The following ZNF618 variants were observed in gnomAD, a reference collection of about 807,000 sequenced individuals.
The protein encoded by ZNF618 is neural precursor cell expressed, developmentally down-regulated 10.
Under a neutral mutation model 103.0 loss-of-function variants are expected in ZNF618, and 34 were observed. That is an observed-to-expected ratio of 0.33 (90% confidence interval 0.25 to 0.44). The LOEUF (loss-of-function observed/expected upper bound fraction) is 0.44. Ranked by LOEUF, ZNF618 falls within the 20% of genes least tolerant of loss-of-function variation. ZNF618 has a pLI of 1.00. For missense variants in ZNF618, 1,059 were observed against 1,295.4 expected (o/e 0.82, Z 2.80); for synonymous variants, 551 against 542.2 (o/e 1.02, Z -0.23).
At chr9:114,032,381 T>C (rs1844157487) in intron 11 of ZNF618, among the ~76,000 whole-genome samples, 1 of 152,098 alleles carries the variant, frequency 6.6e-6, no homozygotes, top group African/African-American at 2.4e-5. Context: ...CCTGCTGGAT[T>C]TCATCTTTGT....
chr9:113,900,490 A>T lies in ZNF618; in HGVS notation c.33+24077A>T, dbSNP rs1830421914. On this transcript the variant is annotated intron_variant, in intron 1 of 14. Transcript: ENST00000374126. The stretch of plus-strand genomic sequence containing the variant: ...CTTACAGATGAGTAAACAGGCACAG[A>T]GAGGAAGGGGAAAAGTGACTTCTTT... 2.6e-5 allele frequency among the ~76,000 whole-genome samples: 4 copies of T among 152,346 alleles called. No individual in the cohort carries two copies. In the South Asian group the frequency reaches 8.3e-4, roughly 32 times the overall value.
intron 10 of ZNF618, among the ~76,000 whole-genome samples, chr9:114,027,058 G>T (rs1454071724): frequency 6.6e-6 from 1 of 152,104 alleles, no homozygotes; most frequent in Non-Finnish European, 1.5e-5. Context: ...ATTAGAAATG[G>T]ACTCTGGGTG....
At chr9:113,905,814 C>A (rs1400934875) in intron 1 of ZNF618, among the ~76,000 whole-genome samples, 1 of 152,124 alleles carries the variant, frequency 6.6e-6, no homozygotes, top group Non-Finnish European at 1.5e-5. Context: ...TTGCTCTTCC[C>A]AAAGTCTAAA....
chr9:113,883,455 C>G (rs544447863), intron 1 of ZNF618, among the ~76,000 whole-genome samples: 1 of 152,320 alleles, frequency 6.6e-6, no homozygotes, highest in African/African-American at 2.4e-5. Flanking sequence ...GCCTGGTCTT[C>G]TTAGCCAGGT....
intron 2 of ZNF618, among the ~76,000 whole-genome samples, chr9:113,977,040 C>T (rs1385096718): frequency 6.6e-6 from 1 of 152,146 alleles, no homozygotes; most frequent in Non-Finnish European, 1.5e-5. Context: ...CAGCGTGCGT[C>T]CAGGCAGTGA....
intron 14 of ZNF618, among the ~76,000 whole-genome samples, chr9:114,048,270 T>C (rs1845832112): frequency 6.6e-6 from 1 of 152,268 alleles, no homozygotes; most frequent in Non-Finnish European, 1.5e-5. Context: ...CCACAATTTC[T>C]GCTGGTTGCT....
intron 10 of ZNF618, 190 bp from the exon 11 acceptor site, chr9:114,028,543 G>A: frequency 1.2e-6 from 1 of 868,394 alleles, no homozygotes; most frequent in Non-Finnish European, 1.7e-6. Context: ...CTAAGCGTGA[G>A]CTGACAGAAG....
At chr9:113,949,160 T>C (rs1331292406) in intron 1 of ZNF618, among the ~76,000 whole-genome samples, 3 of 152,234 alleles carry the variant, frequency 2.0e-5, no homozygotes, top group Admixed American at 1.3e-4. Context: ...GACATCACCT[T>C]GCGTCTGACT....
intron 1 of ZNF618, among the ~76,000 whole-genome samples, chr9:113,944,364 G>A (rs1834816742): frequency 1.3e-5 from 2 of 152,104 alleles, no homozygotes; most frequent in South Asian, 2.1e-4. Flanking sequence ...TGCAAACTCC[G>A]CCTCCCAGGT....
intron 13 of ZNF618, among the ~76,000 whole-genome samples, chr9:114,041,107 C>T (rs1271954986): frequency 6.6e-6 from 1 of 152,128 alleles, no homozygotes; most frequent in Non-Finnish European, 1.5e-5. Context: ...TTTCATGTGT[C>T]TGTTGGTTGC....
chr9:113,878,625 C>T (rs922491867), intron 1 of ZNF618, among the ~76,000 whole-genome samples: 10 of 152,158 alleles, frequency 6.6e-5, no homozygotes, highest in African/African-American at 1.9e-4. Context: ...GATTTTGAGC[C>T]TATCCCCCAA....
At position 114,007,451 on chromosome 9, in the gene ZNF618, C is replaced by A; in HGVS notation, c.640+12C>A. On this transcript the variant is annotated intron_variant, in intron 7 of 14. Transcript: ENST00000374126. ...GCACGCAGTGGATGGTGAGTCAGGCCCCTCACTCCCTGGAGTCATGCCAAG... is the reference window on the plus strand; with the variant it reads ...GCACGCAGTGGATGGTGAGTCAGGCACCTCACTCCCTGGAGTCATGCCAAG... 1 of 1,612,224 alleles carries A rather than the reference C, an allele frequency of 6.2e-7. No homozygotes were observed. The highest frequency in any genetic ancestry group is 8.5e-7 in the Non-Finnish European group (1 of 1,179,382).
At chr9:113,964,314 T>C (rs1033492430) in intron 1 of ZNF618, among the ~76,000 whole-genome samples, 28 of 152,326 alleles carry the variant, frequency 1.8e-4, no homozygotes, top group Admixed American at 1.4e-3. Context: ...TTTTCCTCCA[T>C]TGTGCAAGCA....
intron 1 of ZNF618, among the ~76,000 whole-genome samples, chr9:113,944,145 G>A (rs1834792352): frequency 6.6e-6 from 1 of 152,154 alleles, no homozygotes; most frequent in African/African-American, 2.4e-5. Flanking sequence ...CTGCTTTATT[G>A]AAGATCGGGG....
intron 1 of ZNF618, among the ~76,000 whole-genome samples, chr9:113,888,873 G>GT (rs1167335226): frequency 6.6e-6 from 1 of 152,194 alleles, no homozygotes; most frequent in African/African-American, 2.4e-5. Flanking sequence ...AACAGCTGAG[G>GT]TAAGAGAGGC....
chr9:114,029,188 C>A (rs187740794), intron 11 of ZNF618, among the ~76,000 whole-genome samples: 10 of 152,276 alleles, frequency 6.6e-5, no homozygotes, highest in Non-Finnish European at 1.5e-5. Context: ...CACCTTAAAT[C>A]AGAGGGTTGT....
At chr9:114,003,273 A>G (rs1358522143) in intron 6 of ZNF618, among the ~76,000 whole-genome samples, 1 of 152,226 alleles carries the variant, frequency 6.6e-6, no homozygotes, top group Admixed American at 6.5e-5. Context: ...TCTAGGCCCC[A>G]AGCGCCTGGT....
chr9:113,900,605 GA>G, intron 1 of ZNF618, among the ~76,000 whole-genome samples: 5 of 148,220 alleles, frequency 3.4e-5, no homozygotes, highest in Non-Finnish European at 7.5e-5. Flanking sequence ...CCGCGAACCC[GA>G]GCTCCCGTCT....
intron 1 of ZNF618, among the ~76,000 whole-genome samples, chr9:113,939,053 C>G (rs1834311028): frequency 6.6e-6 from 1 of 150,630 alleles, no homozygotes; most frequent in African/African-American, 2.4e-5. Flanking sequence ...TTGGTTTGTT[C>G]CCTCCCAATA....
Sources: gnomAD v4.1 joint callset for allele counts (sites outside exome capture counted in the v4.1 genomes callset) on GRCh38, gnomAD v4.1.1 for gene constraint, MANE v1.5 for transcripts, NCBI Gene and HGNC (gene_info 2026-07-23, HGNC 2026-07-21) for gene names.